Variants in PDZD4 observed in about 807,000 individuals in gnomAD.
PDZD4 encodes the protein PDZ domain-containing protein 4.
PDZD4 carries 9 observed loss-of-function variants against 38.5 expected under a neutral mutation model. The observed-to-expected ratio is 0.23, with a 90% CI of 0.14 to 0.41. PDZD4 has a LOEUF of 0.41. Ranked by LOEUF, PDZD4 falls within the 10% of genes least tolerant of loss-of-function variation. The pLI, the probability that PDZD4 is intolerant of heterozygous loss-of-function variation, is 1.00. For missense variants in PDZD4, 612 were observed against 722.0 expected, an observed-to-expected ratio of 0.85 and a Z score of 1.75; for synonymous variants, 349 against 315.7, an observed-to-expected ratio of 1.11 and a Z score of -1.12.
In PDZD4 at chrX:153,807,330, A is replaced by G; in HGVS notation, c.354T>C (p.Phe118=). The part of the protein sequence containing the change: ...ISHEYYDPAE[F]MEGGPQEADR... ...CTGCCTCCTGCGGGCCGCCCTCCATAAACTCCGCCGGGTCATAATACTCAT... is the reference window on the plus strand; with the variant it reads ...CTGCCTCCTGCGGGCCGCCCTCCATGAACTCCGCCGGGTCATAATACTCAT... Residue 118 remains phenylalanine, a synonymous_variant, in exon 3 of 8, where the codon TTT becomes TTC. Transcript: ENST00000393758. 1 of 1,209,697 alleles carries G rather than the reference A, an allele frequency of 8.3e-7. No individual in the cohort carries two copies.
chrX:153,807,232 C>T lies in PDZD4; in HGVS notation c.405+47G>A, dbSNP rs782661868. ...GCAGGAAGGCACACAGGCGTCGGGGCGGCTCCCGCAGCTGGCTGCGGGCCC... is the reference window on the plus strand; with the variant it reads ...GCAGGAAGGCACACAGGCGTCGGGGTGGCTCCCGCAGCTGGCTGCGGGCCC... On this transcript the variant is annotated intron_variant, in intron 3 of 7. Coordinates refer to ENST00000393758, the MANE Select transcript of PDZD4 (RefSeq NM_001303512.2). The T allele has an allele frequency of 2.2e-5, 25 of 1,162,141 alleles. No individual in the cohort carries two copies. In the African/African-American group the frequency reaches 2.6e-4, roughly 12 times the overall value.
chrX:153,815,872 CT>C (rs1333973628), intron 1 of PDZD4, among the ~76,000 whole-genome samples: 5 of 99,735 alleles, frequency 5.0e-5, no homozygotes, highest in African/African-American at 1.1e-4. Flanking sequence ...AGCGCAGCCC[CT>C]CTGCACACAC....
chrX:153,821,684 G>A lies in PDZD4; in HGVS notation c.60+8555C>T, dbSNP rs781996543. Among the ~76,000 whole-genome samples the A allele has an allele frequency of 2.7e-5, 3 of 111,290 alleles. No homozygotes were observed. In the South Asian group the frequency reaches 1.1e-3, roughly 42 times the overall value. ...AAGTGCACCTTAACAAGGACTTCGG[G>A]TGGAGGGTGGCGCTGTACTGACTCA... On this transcript the variant is annotated intron_variant, in intron 1 of 7. Transcript: ENST00000393758.
chrX:153,803,282 C>T lies in PDZD4; in HGVS notation c.*71G>A. ...GCGCGCACACACACACACACACAAT[C>T]TCTATAGGAGAGTGAGGGCCGGGGC... On this transcript the variant is annotated 3_prime_UTR_variant, in exon 8 of 8. Coordinates refer to ENST00000393758, the MANE Select transcript of PDZD4 (RefSeq NM_001303512.2). 1.1e-6 allele frequency: 1 copy of T among 899,522 alleles called. No homozygotes were observed. Among genetic ancestry groups the T allele is most frequent in the Non-Finnish European group, 1.5e-6 (1 of 677,156 alleles). 74.1% of individuals were successfully genotyped at this position (899,522 alleles called of 1,213,427 possible).
intron 4 of PDZD4, 106 bp downstream of exon 4, chrX:153,806,636 A>G: frequency 1.4e-6 from 1 of 699,553 alleles, no homozygotes; most frequent in East Asian, 3.4e-5. Context: ...GCAGCACCCT[A>G]GCTGTGATGC....
At position 153,804,649 on chromosome X, in the gene PDZD4, C is replaced by T; in HGVS notation, c.1032G>A (p.Gly344=). ...HFSMDSLLAE[G]AGLGGGDVPG... ...GGACGTCGCCCCCTCCCAGCCCCGC[C>T]CCCTCGGCCAGCAGAGAGTCCATGC... Residue 344 remains glycine (G), a synonymous_variant, in exon 8 of 8, where the codon GGG becomes GGA. Transcript: ENST00000393758. 1 of 1,210,050 alleles carries T rather than the reference C, an allele frequency of 8.3e-7. No individual in the cohort carries two copies. The highest frequency in any genetic ancestry group is 1.8e-5 in the South Asian group (1 of 56,951).
At chrX:153,827,110 C>T (rs1417317319) in intron 1 of PDZD4, among the ~76,000 whole-genome samples, 2 of 112,018 alleles carry the variant, frequency 1.8e-5, no homozygotes, top group African/African-American at 6.5e-5. Flanking sequence ...AGCAGTGTGG[C>T]GCTGGCTTAA....
intron 3 of PDZD4, 130 bp from the exon 4 acceptor site, chrX:153,806,970 GC>G: frequency 1.8e-6 from 1 of 564,902 alleles, no homozygotes; most frequent in Non-Finnish European, 2.9e-6. Flanking sequence ...TTCCTCTGGA[GC>G]CCCCTGAGCT....
chrX:153,828,839 C>T (rs1448933674), intron 1 of PDZD4, among the ~76,000 whole-genome samples: 7 of 111,970 alleles, frequency 6.3e-5, no homozygotes, highest in Admixed American at 5.6e-4. Flanking sequence ...CGTCAACCAA[C>T]CATCCCAGCC....
chrX:153,807,028 GC>G (rs1441330468), intron 3 of PDZD4, among the ~76,000 whole-genome samples, 188 bp from the exon 4 acceptor site: 1 of 112,252 alleles, frequency 8.9e-6, no homozygotes, highest in Non-Finnish European at 1.9e-5. Context: ...ATCCCACGTG[GC>G]GCACGTACTC....
In PDZD4 at chrX:153,806,147, G is replaced by A. The variant is rs782708564; in HGVS notation, c.505-14C>T. The A allele has an allele frequency of 9.1e-6, 11 of 1,208,341 alleles. No homozygotes were observed. The highest frequency in any genetic ancestry group is 3.5e-5 in the African/African-American group (2 of 57,268). ...GTTGGGATTTACCTGCAGGACACAC[G>A]CATCTTGGGGACTTGGTGCCTAACA... On this transcript the variant is annotated splice_polypyrimidine_tract_variant and intron_variant, in intron 4 of 7. Transcript: ENST00000393758.
intron 1 of PDZD4, among the ~76,000 whole-genome samples, chrX:153,828,570 T>G (rs1409705717): frequency 8.9e-6 from 1 of 112,435 alleles, no homozygotes; most frequent in East Asian, 2.8e-4. Context: ...CAGCCCGACC[T>G]GCCGAGGCCT....
At chrX:153,816,019 G>T (rs2064357344) in intron 1 of PDZD4, among the ~76,000 whole-genome samples, 1 of 99,666 alleles carries the variant, frequency 1.0e-5, no homozygotes, top group African/African-American at 3.6e-5. Flanking sequence ...GGTCGGCAGG[G>T]TGGGGGCCAG....
At position 153,808,528 on chromosome X, in the gene PDZD4, T is replaced by A. The variant is rs2064278442; in HGVS notation, c.128A>T (p.Glu43Val). ...TCTCAGCACCTGGATCACCAGGGGC[T>A]CCTTGGAGGAGCGCAGGGCCTGCAG... is the stretch of plus-strand genomic sequence containing the variant. ...QTLQALRSSK[E>V]PLVIQVLRRS... Residue 43 changes from glutamate to valine, a missense_variant, in exon 2 of 8, where the codon GAG becomes GTG. Around this residue, in one of 3 missense-constraint regions of PDZD4, gnomAD observed 225 missense variants for 311.0 expected, o/e 0.72. Transcript: ENST00000393758. The A allele has an allele frequency of 8.3e-7, 1 of 1,206,523 alleles. No homozygotes were observed. The highest frequency in any genetic ancestry group is 1.7e-5 in the African/African-American group (1 of 57,372).
chrX:153,810,599 G>A (rs1426983005), intron 1 of PDZD4, among the ~76,000 whole-genome samples: 3 of 112,912 alleles, frequency 2.7e-5, no homozygotes, highest in East Asian at 2.8e-4. Flanking sequence ...CGAGTTGTGC[G>A]AATATTAGCA....
chrX:153,811,977 G>A (rs782257041), intron 1 of PDZD4, among the ~76,000 whole-genome samples: 40 of 111,989 alleles, frequency 3.6e-4, no homozygotes, highest in South Asian at 3.7e-4. Flanking sequence ...TATTTTAACC[G>A]TAGAAATGTA....
intron 2 of PDZD4, chrX:153,807,723 G>T (rs1175080272): frequency 6.9e-6 from 1 of 144,941 alleles, no homozygotes; most frequent in African/African-American, 9.0e-5. Context: ...CCCCACTCAT[G>T]CAACGCCCCC....
At chrX:153,805,974 C>G in intron 5 of PDZD4, 97 bp downstream of exon 5, 1 of 965,394 alleles carries the variant, frequency 1.0e-6, no homozygotes, top group African/African-American at 1.9e-5. Context: ...AGGGTTAGCT[C>G]TTAGTGGGAG....
intron 1 of PDZD4, among the ~76,000 whole-genome samples, chrX:153,829,080 G>A (rs1343249431): frequency 1.8e-5 from 2 of 111,471 alleles, no homozygotes; most frequent in African/African-American, 3.3e-5. Context: ...GCCAGGGTGG[G>A]GCAAGATTTG....
Sources: allele counts gnomAD v4.1 joint callset (sites outside exome capture counted in the v4.1 genomes callset), GRCh38; gene constraint gnomAD v4.1.1; regional missense constraint gnomAD v4.1.1; transcripts MANE v1.5; gene names NCBI Gene and HGNC (gene_info 2026-07-23, HGNC 2026-07-21).